The following MACROD2 variants were observed in gnomAD, a reference collection of about 807,000 sequenced individuals.
MACROD2 encodes the protein mono-ADP ribosylhydrolase 2.
MACROD2 carries 36 observed loss-of-function variants against 70.4 expected under a neutral mutation model. That is an observed-to-expected ratio of 0.51 (90% CI 0.39 to 0.68). The LOEUF (loss-of-function observed/expected upper bound fraction) is 0.68, where lower values mean the gene tolerates loss of function less well. Among genes scored for constraint, MACROD2 ranks in the 30% least tolerant of loss-of-function variants. The pLI is 0.00. For synonymous variants in MACROD2, 172 were observed against 178.8 expected, an observed-to-expected ratio of 0.96 and a Z score of 0.30; for missense variants, 496 against 538.4, an observed-to-expected ratio of 0.92 and a Z score of 0.78.
At chr20:15,244,513 G>T (rs2077088565) in intron 6 of MACROD2, among the ~76,000 whole-genome samples, 1 of 152,152 alleles carries the variant, frequency 6.6e-6, no homozygotes, top group African/African-American at 2.4e-5. Context: ...GGTGGGGAGT[G>T]CCAGTTGGTT....
intron 6 of MACROD2, among the ~76,000 whole-genome samples, chr20:15,330,710 A>G (rs1254765396): frequency 6.6e-6 from 1 of 151,706 alleles, no homozygotes; most frequent in Non-Finnish European, 1.5e-5. Flanking sequence ...GTAGAATGGA[A>G]GACTTCCTTT....
chr20:15,150,762 G>T (rs1331145794), intron 5 of MACROD2, among the ~76,000 whole-genome samples: 1 of 151,984 alleles, frequency 6.6e-6, no homozygotes, highest in Non-Finnish European at 1.5e-5. Context: ...TCCAGGAATA[G>T]TCAGGGAAGC....
intron 3 of MACROD2, among the ~76,000 whole-genome samples, chr20:14,469,033 T>C (rs1263980496): frequency 6.6e-6 from 1 of 152,120 alleles, no homozygotes; most frequent in African/African-American, 2.4e-5. Flanking sequence ...CGATGGTCTT[T>C]ACAATTCGGT....
At chr20:15,459,978 TG>T (rs549485090) in intron 7 of MACROD2, among the ~76,000 whole-genome samples, 273 of 152,264 alleles carry the variant, frequency 1.8e-3, no homozygotes, top group Non-Finnish European at 3.2e-3. Context: ...AACACGCCTA[TG>T]ACAGAAATCT....
At chr20:15,236,049 ACTTTTGCATTTGTGCATC>A (rs1461234816) in intron 6 of MACROD2, among the ~76,000 whole-genome samples, 7 of 152,222 alleles carry the variant, frequency 4.6e-5, no homozygotes, top group Non-Finnish European at 1.0e-4. Context: ...GAACAAAGGC[ACTTTTGCATTTGTGCATC>A]ACTCTACAGT....
chr20:14,986,324 AACCAAGT>A (rs2074848575), intron 5 of MACROD2, among the ~76,000 whole-genome samples: 1 of 152,174 alleles, frequency 6.6e-6, no homozygotes, highest in Non-Finnish European at 1.5e-5. Flanking sequence ...GTTAATGAAT[AACCAAGT>A]GTCTGACACA....
In MACROD2 at chr20:14,653,604, C is replaced by A. The variant is rs571417675; in HGVS notation, c.302-31239C>A. ...CTCCTTGCCTCAAGTGATTCTCCTG[C>A]CTTGGCCTCCCAAAGTGCTGGGATT... On this transcript the variant is annotated intron_variant, in intron 4 of 17. Coordinates refer to ENST00000684519, the MANE Select transcript of MACROD2 (RefSeq NM_001351661.2). Among the ~76,000 whole-genome samples the A allele has an allele frequency of 2.6e-4, 40 of 152,116 alleles. No individual in the cohort carries two copies. In the South Asian group the frequency reaches 2.9e-3, roughly 11 times the overall value.
At chr20:15,933,458 C>A in intron 11 of MACROD2, 120 bp downstream of exon 11, 1 of 865,430 alleles carries the variant, frequency 1.2e-6, no homozygotes, top group Non-Finnish European at 1.8e-6. Flanking sequence ...CTCCAGTGTT[C>A]ATTCAGGGTC....
chr20:14,122,341 A>C (rs1783881632), intron 3 of MACROD2, among the ~76,000 whole-genome samples: 1 of 152,202 alleles, frequency 6.6e-6, no homozygotes, highest in South Asian at 2.1e-4. Context: ...AGTAAGATAA[A>C]GCATGCATCC....
chr20:14,883,363 AT>A (rs2073632811), intron 5 of MACROD2, among the ~76,000 whole-genome samples: 2 of 152,122 alleles, frequency 1.3e-5, no homozygotes, highest in African/African-American at 2.4e-5. Context: ...GAAGACAGTG[AT>A]TAGGATGATA....
chr20:14,049,854 CAGGCAGATCACCTGAGTTCAGG>C (rs2053540243), intron 2 of MACROD2, among the ~76,000 whole-genome samples: 1 of 151,462 alleles, frequency 6.6e-6, no homozygotes, highest in East Asian at 2.0e-4. Flanking sequence ...GAGGCCGAGG[CAGGCAGATCACCTGAGTTCAGG>C]AGTTTGAGTC....
chr20:15,368,992 A>G (rs947878670), intron 6 of MACROD2, among the ~76,000 whole-genome samples: 45 of 152,190 alleles, frequency 3.0e-4, no homozygotes, highest in Non-Finnish European at 2.5e-4. Flanking sequence ...TTTGTCATGC[A>G]TATCTTAGTA....
At chr20:14,646,587 T>TA (rs1326350581) in intron 4 of MACROD2, among the ~76,000 whole-genome samples, 1 of 152,148 alleles carries the variant, frequency 6.6e-6, no homozygotes, top group African/African-American at 2.4e-5. Context: ...TTTTCCATAG[T>TA]AAAAAAATTG....
At chr20:14,201,447 T>C (rs1326410515) in intron 3 of MACROD2, among the ~76,000 whole-genome samples, 2 of 152,176 alleles carry the variant, frequency 1.3e-5, no homozygotes, top group South Asian at 4.1e-4. Flanking sequence ...CATAAAGAAA[T>C]CTTACAAAGG....
Position 14,722,309 on chromosome 20 carries a change from A to G in MACROD2, c.418+37350A>G, listed in dbSNP as rs1329022129. Among the ~76,000 whole-genome samples the G allele has an allele frequency of 5.9e-5, 9 of 152,180 alleles. No homozygotes were observed. The South Asian group carries it at 1.0e-3, about 18-fold the overall frequency. On this transcript the variant is annotated intron_variant, in intron 5 of 17. Coordinates refer to ENST00000684519, the MANE Select transcript of MACROD2 (RefSeq NM_001351661.2). Reference sequence around the variant, plus strand: ...TCCACTCCTAGTGGGAGGAACTACAATGTCATTGGGAAAAAAGGCATAGAT... The same window carrying G: ...TCCACTCCTAGTGGGAGGAACTACAGTGTCATTGGGAAAAAAGGCATAGAT...
At chr20:14,388,719 A>AT (rs199886489) in intron 3 of MACROD2, among the ~76,000 whole-genome samples, 58 of 150,866 alleles carry the variant, frequency 3.8e-4, no homozygotes, top group Non-Finnish European at 6.4e-4. Flanking sequence ...AAGCAATTCT[A>AT]TTTTTTTTTA....
chr20:15,886,589 C>T (rs1276219920), intron 10 of MACROD2, among the ~76,000 whole-genome samples: 1 of 152,034 alleles, frequency 6.6e-6, no homozygotes, highest in African/African-American at 2.4e-5. Flanking sequence ...CTCTCATTAT[C>T]AGAATTGAGA....
intron 4 of MACROD2, among the ~76,000 whole-genome samples, chr20:14,613,551 A>G (rs544788470): frequency 2.7e-4 from 41 of 152,174 alleles, no homozygotes; most frequent in Admixed American, 2.2e-3. Flanking sequence ...CAACTCTATT[A>G]AGTATGGAGA....
intron 6 of MACROD2, among the ~76,000 whole-genome samples, chr20:15,233,008 G>A (rs181856033): frequency 2.0e-5 from 3 of 151,944 alleles, no homozygotes; most frequent in Admixed American, 6.6e-5. Flanking sequence ...AGGATCTAGT[G>A]GTTGTTTTCT....
Sources: gnomAD v4.1 joint callset for allele counts (sites outside exome capture counted in the v4.1 genomes callset) on GRCh38, gnomAD v4.1.1 for gene constraint, MANE v1.5 for transcripts, NCBI Gene and HGNC (gene_info 2026-07-23, HGNC 2026-07-21) for gene names.